The following PPP1R12A variants were observed in gnomAD, a reference collection of about 807,000 sequenced individuals.
PPP1R12A encodes the protein myosin binding subunit.
PPP1R12A carries 19 observed loss-of-function variants against 139.6 expected under a neutral mutation model. The ratio of observed to expected loss-of-function variants is 0.14; its 90% CI spans 0.09 to 0.20. PPP1R12A has a LOEUF of 0.20. Among genes scored for constraint, PPP1R12A ranks in the 10% least tolerant of loss-of-function variants. The pLI is 1.00. For synonymous variants in PPP1R12A, 427 were observed against 420.6 expected, an observed-to-expected ratio of 1.02 and a Z score of -0.19; for missense variants, 925 against 1,211.5, an observed-to-expected ratio of 0.76 and a Z score of 3.51.
At chr12:79,917,623 G>A (rs898083494) in intron 1 of PPP1R12A, among the ~76,000 whole-genome samples, 6 of 151,342 alleles carry the variant, frequency 4.0e-5, no homozygotes, top group Non-Finnish European at 7.4e-5. Flanking sequence ...CTCATTAACT[G>A]CAACTTTTAA....
At chr12:79,840,233 C>T (rs1051747746) in intron 3 of PPP1R12A, among the ~76,000 whole-genome samples, 5 of 152,152 alleles carry the variant, frequency 3.3e-5, no homozygotes, top group African/African-American at 1.2e-4. Context: ...CACAGAACTG[C>T]TATGAGGATG....
intron 1 of PPP1R12A, among the ~76,000 whole-genome samples, chr12:79,930,971 C>T (rs1888209542): frequency 6.6e-6 from 1 of 152,080 alleles, no homozygotes; most frequent in African/African-American, 2.4e-5. Flanking sequence ...ACATCATTAA[C>T]AGAAACAGGA....
intron 8 of PPP1R12A, chr12:79,819,412 C>G (rs1037138750): frequency 6.6e-6 from 1 of 152,052 alleles, no homozygotes; most frequent in African/African-American, 2.4e-5. Flanking sequence ...CAAACAAGGG[C>G]TAATGAAGAA....
At position 79,804,493 on chromosome 12, in the gene PPP1R12A, CTT is replaced by C. The variant is rs926383056; in HGVS notation, c.2000+1097_2000+1098del. Among the ~76,000 whole-genome samples the C allele has an allele frequency of 3.9e-5, 6 of 152,114 alleles. No individual in the cohort carries two copies. In the East Asian group the frequency reaches 9.6e-4, roughly 24 times the overall value. ...TGATAGAAAAAAAAGTTAACACTAA[CTT>C]ATTACTTTTCATATATTCAAACACA... On this transcript the variant is annotated intron_variant, in intron 14 of 24. Transcript: ENST00000450142.
rs776320919 is a variant in PPP1R12A, at chr12:79,797,347, T to A, written c.2140A>T (p.Ser714Cys). 2.5e-6 allele frequency: 4 copies of A among 1,603,708 alleles called. No homozygotes were observed. The highest frequency in any genetic ancestry group is 3.4e-6 in the Non-Finnish European group (4 of 1,174,936). ...LQEAEKTIGR[S>C]RSTRTREQEN... The stretch of plus-strand genomic sequence containing the variant: ...TGTTCTCTGGTTCGGGTAGAACGAC[T>A]TCTTCCTATTGTTTTCTCAGCTTCT... Residue 714 changes from serine to cysteine, a missense_variant, in exon 16 of 25, where the codon AGT becomes TGT. Ser to Cys is a moderately radical substitution (Grantham distance 112). Around this residue, in one of 4 missense-constraint regions of PPP1R12A, gnomAD observed 315 missense variants for 363.4 expected, o/e 0.87. Transcript: ENST00000450142.
intron 2 of PPP1R12A, among the ~76,000 whole-genome samples, chr12:79,855,579 A>C (rs1193606502): frequency 1.3e-5 from 2 of 152,216 alleles, no homozygotes; most frequent in Non-Finnish European, 2.9e-5. Flanking sequence ...GATCTAATTT[A>C]CATTTCCACC....
Position 79,806,222 on chromosome 12 carries a change from G to A in PPP1R12A, c.1767C>T (p.Ser589=). Residue 589 remains serine, a synonymous_variant, in exon 13 of 25, where the codon AGC becomes AGT. Transcript: ENST00000450142. ...AAGLQKSLLS[S]TSTTTKITTG... is the part of the protein sequence containing the mutation. ...TTGTAATCTTTGTAGTAGTGCTTGT[G>A]CTGGAAAGCAGGCTTTTCTGAAGCC... The A allele has an allele frequency of 6.2e-7, 1 of 1,613,954 alleles. No homozygotes were observed. Among genetic ancestry groups the A allele is most frequent in the Middle Eastern group, 1.6e-4 (1 of 6,062 alleles).
intron 24 of PPP1R12A, chr12:79,777,202 T>A (rs1869837376): frequency 1.1e-6 from 1 of 915,712 alleles, no homozygotes; most frequent in Admixed American, 6.2e-5. Context: ...TTCTCTCTAG[T>A]AAAGAACTGT....
intron 1 of PPP1R12A, among the ~76,000 whole-genome samples, chr12:79,915,760 C>T (rs1172889853): frequency 3.3e-5 from 5 of 152,116 alleles, no homozygotes; most frequent in Admixed American, 6.5e-5. Context: ...ATTAAGAACA[C>T]AAGGACCACT....
chr12:79,779,219 C>T, intron 23 of PPP1R12A: 1 of 880,762 alleles, frequency 1.1e-6, no homozygotes, highest in Non-Finnish European at 1.6e-6. Flanking sequence ...CACATTATTG[C>T]AGTGTACTGT....
intron 1 of PPP1R12A, among the ~76,000 whole-genome samples, chr12:79,898,172 G>T (rs574116001): frequency 3.3e-5 from 5 of 152,172 alleles, no homozygotes; most frequent in Non-Finnish European, 7.3e-5. Flanking sequence ...ATAGCTGGCC[G>T]GGCGCGGTGG....
At chr12:79,786,906 T>C (rs1008759325) in intron 21 of PPP1R12A, 3 of 152,574 alleles carry the variant, frequency 2.0e-5, no homozygotes, top group Admixed American at 6.5e-5. Context: ...TTTATCATTA[T>C]ACTTCTACAT....
chr12:79,775,841 G>A lies in PPP1R12A; in HGVS notation c.*88C>T. ...ATATCCGAAAATGACAGTCTCCAAGGATTCTTCCCAGACTTCCAGTGACTG... is the reference window on the plus strand; with the variant it reads ...ATATCCGAAAATGACAGTCTCCAAGAATTCTTCCCAGACTTCCAGTGACTG... On this transcript the variant is annotated 3_prime_UTR_variant, in exon 25 of 25. Coordinates refer to ENST00000450142, the MANE Select transcript of PPP1R12A (RefSeq NM_002480.3). 1.2e-6 allele frequency: 1 copy of A among 847,966 alleles called. No homozygotes were observed. The highest frequency in any genetic ancestry group is 1.7e-6 in the Non-Finnish European group (1 of 578,938). 52.5% of individuals were successfully genotyped at this position (847,966 alleles called of 1,614,324 possible). A position where few individuals can be genotyped will look rare whatever the true frequency, so the allele number is the denominator to read the frequency against.
intron 2 of PPP1R12A, among the ~76,000 whole-genome samples, chr12:79,870,414 G>A (rs376116600): frequency 2.2e-4 from 33 of 152,208 alleles, no homozygotes; most frequent in African/African-American, 7.7e-4. Flanking sequence ...TGCTAAAAGA[G>A]ATTATGCTGA....
intron 3 of PPP1R12A, among the ~76,000 whole-genome samples, chr12:79,844,429 T>G (rs553503817): frequency 7.9e-5 from 12 of 152,302 alleles, no homozygotes; most frequent in South Asian, 4.1e-4. Flanking sequence ...TAGAATCTTC[T>G]TTTTTTCACA....
At chr12:79,914,654 G>A (rs938281251) in intron 1 of PPP1R12A, among the ~76,000 whole-genome samples, 2 of 151,926 alleles carry the variant, frequency 1.3e-5, no homozygotes, top group Non-Finnish European at 2.9e-5. Flanking sequence ...TTTCAGAGGG[G>A]TTCAGCCCCA....
intron 3 of PPP1R12A, among the ~76,000 whole-genome samples, chr12:79,834,709 T>G (rs1343980207): frequency 6.6e-6 from 1 of 152,244 alleles, no homozygotes; most frequent in East Asian, 1.9e-4. Context: ...GTTGCATATC[T>G]AAGCCTGTAG....
intron 3 of PPP1R12A, among the ~76,000 whole-genome samples, chr12:79,832,963 T>C (rs527872711): frequency 6.6e-6 from 1 of 152,338 alleles, no homozygotes; most frequent in South Asian, 2.1e-4. Flanking sequence ...AAATAGATTA[T>C]TTCTCTAGCA....
intron 1 of PPP1R12A, among the ~76,000 whole-genome samples, chr12:79,884,482 A>T (rs1000927402): frequency 2.0e-5 from 3 of 152,162 alleles, no homozygotes; most frequent in African/African-American, 7.2e-5. Context: ...TAGTGGTGTA[A>T]ATTGTTCAAA....
Sources: gnomAD v4.1 joint callset for allele counts (sites outside exome capture counted in the v4.1 genomes callset) on GRCh38, gnomAD v4.1.1 for gene constraint, gnomAD v4.1.1 regional missense constraint, MANE v1.5 for transcripts, NCBI Gene and HGNC (gene_info 2026-07-23, HGNC 2026-07-21) for gene names.